Variants in DENND4A observed in about 807,000 individuals in gnomAD.
The protein encoded by DENND4A is DENN domain containing 4A, also known as C-myc promoter-binding protein.
A neutral mutation model predicts 199.3 loss-of-function variants in DENND4A; 70 were observed. That is an observed-to-expected ratio of 0.35 (90% CI 0.29 to 0.43). The LOEUF (loss-of-function observed/expected upper bound fraction) is 0.43, where lower values mean the gene tolerates loss of function less well. Among genes scored for constraint, DENND4A ranks in the 20% least tolerant of loss-of-function variants. The probability of loss-of-function intolerance (pLI) is 1.00; values close to 1 mark genes in which losing one functional copy is unlikely to be tolerated. For synonymous variants in DENND4A, 686 were observed against 766.9 expected (o/e 0.89, Z 1.74); for missense variants, 1,723 against 2,255.8 (o/e 0.76, Z 4.78).
At chr15:65,765,977 G>A (rs1459675594) in intron 1 of DENND4A, among the ~76,000 whole-genome samples, 1 of 152,180 alleles carries the variant, frequency 6.6e-6, no homozygotes, top group Admixed American at 6.5e-5. Context: ...GAAGCCGGGC[G>A]CGGTGGCTCA....
intron 1 of DENND4A, among the ~76,000 whole-genome samples, chr15:65,773,414 A>G (rs1251903130): frequency 6.6e-6 from 1 of 152,216 alleles, no homozygotes; most frequent in African/African-American, 2.4e-5. Flanking sequence ...AACAAGCAAT[A>G]TAATACATGA....
rs118176941 is a variant in DENND4A, at chr15:65,737,617, T to C, written c.1040+90A>G. On this transcript the variant is annotated intron_variant, in intron 7 of 32. Transcript: ENST00000443035. ...TTCAAATAACTCTTGAGAAATCTAG[T>C]ATCCATATAAAATTTACCCAGTTGC... The C allele has an allele frequency of 3.9e-4, 489 of 1,266,456 alleles. 1 individual carries two copies. In the East Asian group the frequency reaches 0.011, roughly 28 times the overall value. The allele number at this position is 1,266,456 out of a possible 1,614,324, so 78.5% of individuals were successfully genotyped here.
At chr15:65,757,775 G>T (rs754979189) in intron 2 of DENND4A, among the ~76,000 whole-genome samples, 4 of 152,126 alleles carry the variant, frequency 2.6e-5, no homozygotes, top group Non-Finnish European at 5.9e-5. Flanking sequence ...CTGAGGTCGG[G>T]AGTTCAAGAC....
chr15:65,704,613 T>TA (rs1239061902), intron 15 of DENND4A, among the ~76,000 whole-genome samples: 5 of 152,140 alleles, frequency 3.3e-5, no homozygotes, highest in African/African-American at 7.2e-5. Flanking sequence ...TTTTTGGAGA[T>TA]AGAGTCTCGT....
chr15:65,760,500 TAATA>T (rs918365774), intron 2 of DENND4A, among the ~76,000 whole-genome samples: 6 of 149,254 alleles, frequency 4.0e-5, no homozygotes, highest in Non-Finnish European at 6.0e-5. Flanking sequence ...TGTCACAAAA[TAATA>T]AATAAATAAA....
At position 65,729,102 on chromosome 15, in the gene DENND4A, C is replaced by A; in HGVS notation, c.1457G>T (p.Cys486Phe). 6.3e-7 allele frequency: 1 copy of A among 1,591,772 alleles called. No homozygotes were observed. The highest frequency in any genetic ancestry group is 8.6e-7 in the Non-Finnish European group (1 of 1,167,778). ...DLYDPPPDVS[C>F]VDVDTNTISQ... is the part of the protein sequence containing the mutation. ...AATAGTGTTGGTATCTACATCAACA[C>A]AACTGACATCTGGTGGAGGATCATA... Residue 486 changes from cysteine to phenylalanine, a missense_variant, in exon 11 of 33, where the codon TGT becomes TTT. This residue lies in a region of DENND4A where 725 missense variants were observed against 952.9 expected (regional missense o/e 0.76). Transcript: ENST00000443035.
intron 23 of DENND4A, among the ~76,000 whole-genome samples, chr15:65,680,077 A>G (rs1256099178): frequency 6.6e-6 from 1 of 151,936 alleles, no homozygotes; most frequent in Non-Finnish European, 1.5e-5. Flanking sequence ...TTTCACAACT[A>G]CTCCTGCAAG....
Position 65,731,720 on chromosome 15 carries a change from A to C in DENND4A, c.1108-20T>G. ...TGATAACTGGAAGAAGATTTAAAAT[A>C]AAGAATTTGAAACATAAAGATGAAC... On this transcript the variant is annotated intron_variant, in intron 8 of 32. Coordinates refer to ENST00000443035, the MANE Select transcript of DENND4A (RefSeq NM_001320835.1). 1 of 1,509,056 alleles carries C rather than the reference A, an allele frequency of 6.6e-7. No individual in the cohort carries two copies. The highest frequency in any genetic ancestry group is 9.0e-7 in the Non-Finnish European group (1 of 1,117,056). The allele number at this position is 1,509,056 out of a possible 1,614,324, so 93.5% of individuals were successfully genotyped here. A position where few individuals can be genotyped will look rare whatever the true frequency, so the allele number is the denominator to read the frequency against.
At chr15:65,752,305 AAAAAAAAAGAT>A in intron 4 of DENND4A, 63 bp downstream of exon 4, 1 of 714,734 alleles carries the variant, frequency 1.4e-6, no homozygotes, top group Non-Finnish European at 1.9e-6. Flanking sequence ...AAAAAAAAAA[AAAAAAAAAGAT>A]GTATTTAAAA....
intron 1 of DENND4A, among the ~76,000 whole-genome samples, chr15:65,762,536 C>T (rs1204041000): frequency 2.6e-5 from 4 of 151,846 alleles, no homozygotes; most frequent in Admixed American, 6.6e-5. Context: ...GACTGAGGCA[C>T]GAGAATCACT....
intron 2 of DENND4A, among the ~76,000 whole-genome samples, chr15:65,760,366 C>T (rs1198362056): frequency 4.6e-5 from 7 of 151,990 alleles, no homozygotes; most frequent in Non-Finnish European, 8.8e-5. Context: ...GGCATGGTGG[C>T]GCACGCCTGT....
chr15:65,683,869 C>A (rs1004020220), intron 23 of DENND4A, among the ~76,000 whole-genome samples: 1 of 152,164 alleles, frequency 6.6e-6, no homozygotes, highest in Non-Finnish European at 1.5e-5. Context: ...ATACCTCATG[C>A]CCATTTACAG....
intron 1 of DENND4A, among the ~76,000 whole-genome samples, chr15:65,790,763 T>C (rs994430915): frequency 6.6e-6 from 1 of 152,134 alleles, no homozygotes; most frequent in Non-Finnish European, 1.5e-5. Flanking sequence ...TATACTTAAG[T>C]TTTCAGAAGT....
At chr15:65,770,451 A>T (rs1411867707) in intron 1 of DENND4A, among the ~76,000 whole-genome samples, 1 of 152,142 alleles carries the variant, frequency 6.6e-6, no homozygotes, top group Non-Finnish European at 1.5e-5. Context: ...CCATTTCCTC[A>T]TATTTTCTTT....
chr15:65,724,642 C>T (rs1423982410), intron 11 of DENND4A, among the ~76,000 whole-genome samples: 1 of 152,076 alleles, frequency 6.6e-6, no homozygotes, highest in African/African-American at 2.4e-5. Context: ...AAATGACTGT[C>T]TTGGAATTTG....
chr15:65,790,456 C>G (rs1055515383), intron 1 of DENND4A, among the ~76,000 whole-genome samples: 6 of 152,094 alleles, frequency 3.9e-5, no homozygotes, highest in Admixed American at 3.9e-4. Flanking sequence ...CCACAGTGAT[C>G]CCAGAATGGA....
At chr15:65,675,167 A>G (rs2076337053) in intron 24 of DENND4A, among the ~76,000 whole-genome samples, 1 of 152,240 alleles carries the variant, frequency 6.6e-6, no homozygotes, top group Non-Finnish European at 1.5e-5. Flanking sequence ...GCCCTGAGCT[A>G]AGAGTGTCTT....
At chr15:65,717,728 CAA>C (rs749968054) in intron 13 of DENND4A, 48 bp downstream of exon 13, 349 of 1,445,550 alleles carry the variant, frequency 2.4e-4, no homozygotes, top group Non-Finnish European at 3.1e-4. Flanking sequence ...TGAATCATCA[CAA>C]AGTTAAGCTC....
chr15:65,711,370 T>A (rs2075243742), intron 14 of DENND4A, among the ~76,000 whole-genome samples: 1 of 152,156 alleles, frequency 6.6e-6, no homozygotes, highest in South Asian at 2.1e-4. Context: ...GGCATATGCC[T>A]GTGGTCCCAG....
Sources: allele counts gnomAD v4.1 joint callset (sites outside exome capture counted in the v4.1 genomes callset), GRCh38; gene constraint gnomAD v4.1.1; regional missense constraint gnomAD v4.1.1; transcripts MANE v1.5; gene names NCBI Gene and HGNC (gene_info 2026-07-23, HGNC 2026-07-21).